HSPG2: variants seen among roughly 807,000 people sequenced by gnomAD.
HSPG2 encodes the protein basement membrane-specific heparan sulfate proteoglycan core protein.
Under a neutral mutation model 526.6 loss-of-function variants are expected in HSPG2, and 278 were observed. The observed-to-expected ratio is 0.53, with a 90% CI of 0.48 to 0.58. HSPG2 has a LOEUF of 0.58. Ranked by LOEUF, HSPG2 falls within the 20% of genes least tolerant of loss-of-function variation. The pLI is 0.00. For missense variants in HSPG2, 5,354 were observed against 6,099.5 expected (o/e 0.88, Z 4.07); for synonymous variants, 2,465 against 2,555.4 (o/e 0.96, Z 1.07).
rs1572189729 is a variant in HSPG2, at chr1:21,841,690, G to C, written c.9194-17C>G. ...GGACGTTGTCTGTGAGGTTGCATGG[G>C]GGAGGGTGAGAGAGGATTGACCTGG... On this transcript the variant is annotated splice_polypyrimidine_tract_variant and intron_variant, in intron 69 of 96. Transcript: ENST00000374695. 2 of 1,613,942 alleles carry C rather than the reference G, an allele frequency of 1.2e-6. No individual in the cohort carries two copies. The highest frequency in any genetic ancestry group is 1.7e-6 in the Non-Finnish European group (2 of 1,179,946).
At chr1:21,831,139 A>T (rs2098002069) in intron 84 of HSPG2, 49 bp from the exon 85 acceptor site, 1 of 1,604,174 alleles carries the variant, frequency 6.2e-7, no homozygotes, top group Non-Finnish European at 8.5e-7. Context: ...AGTACCCCCC[A>T]TAATCCCCAC....
In HSPG2 at chr1:21,839,242, G is replaced by T. The variant is rs1392970241; in HGVS notation, c.9889+129C>A. The T allele has an allele frequency of 7.0e-7, 1 of 1,434,214 alleles. No homozygotes were observed. The highest frequency in any genetic ancestry group is 1.4e-5 in the African/African-American group (1 of 71,382). The allele number at this position is 1,434,214 out of a possible 1,614,324, so 88.8% of individuals were successfully genotyped here. A position where few individuals can be genotyped will look rare whatever the true frequency, so the allele number is the denominator to read the frequency against. Reference sequence around the variant, plus strand: ...AGGCCAGGGTGTGGGTGTCGGGCAGGGCAGGCTCCAGGACCCTGCAGCGCC... The same window carrying T: ...AGGCCAGGGTGTGGGTGTCGGGCAGTGCAGGCTCCAGGACCCTGCAGCGCC... On this transcript the variant is annotated intron_variant, in intron 73 of 96. Coordinates refer to ENST00000374695, the MANE Select transcript of HSPG2 (RefSeq NM_005529.7). The surrounding 1 kb of genome is among the most constrained non-coding windows in gnomAD (Gnocchi z 4.5).
intron 15 of HSPG2, 47 bp downstream of exon 15, chr1:21,880,609 C>T: frequency 6.2e-7 from 1 of 1,602,226 alleles, no homozygotes. Flanking sequence ...CCTACCCAGC[C>T]TAAATCCCCC....
intron 1 of HSPG2, among the ~76,000 whole-genome samples, chr1:21,919,391 A>G (rs912130555): frequency 6.7e-6 from 1 of 148,976 alleles, no homozygotes; most frequent in Non-Finnish European, 1.5e-5. Flanking sequence ...GTGCCACTGC[A>G]CTCCAGCCTG....
At chr1:21,833,666 G>A (rs1163885364) in intron 78 of HSPG2, 52 bp from the exon 79 acceptor site, 1 of 1,610,402 alleles carries the variant, frequency 6.2e-7, no homozygotes, top group South Asian at 1.1e-5. Flanking sequence ...GGCTCCAGGG[G>A]CCCACCTCCC....
chr1:21,853,766 T>C (rs781309903), intron 50 of HSPG2: 1 of 161,392 alleles, frequency 6.2e-6, no homozygotes, highest in Non-Finnish European at 1.3e-5. Flanking sequence ...TAAAATAAAA[T>C]AAAATAAAAT....
chr1:21,929,875 T>A (rs1231464072), intron 1 of HSPG2, among the ~76,000 whole-genome samples: 2 of 152,106 alleles, frequency 1.3e-5, no homozygotes, highest in Non-Finnish European at 2.9e-5. Flanking sequence ...ACCTCCGTGG[T>A]CCTAGCTTGA....
intron 81 of HSPG2, among the ~76,000 whole-genome samples, chr1:21,831,997 C>A (rs1458775508): frequency 6.6e-6 from 1 of 152,138 alleles, no homozygotes; most frequent in Non-Finnish European, 1.5e-5. Flanking sequence ...TCCCCACATC[C>A]TTTTGCTGGG....
Position 21,854,689 on chromosome 1 carries a change from G to C in HSPG2, c.6210C>G (p.Leu2070=), listed in dbSNP as rs1296564918. Residue 2070 remains leucine, a synonymous_variant, in exon 49 of 97, where the codon CTC becomes CTG. Coordinates refer to ENST00000374695, the MANE Select transcript of HSPG2 (RefSeq NM_005529.7). The part of the protein sequence containing the change: ...PSVTEGQTLD[L]NCVVAGSAHA... ...GGGCTGACCCTGCCACCACACAGTT[G>C]AGGTCGAGTGTTTGCCCTTCTGTCA... 1.2e-6 allele frequency: 2 copies of C among 1,611,098 alleles called. No homozygotes were observed. The highest frequency in any genetic ancestry group is 1.3e-5 in the African/African-American group (1 of 74,906).
In HSPG2 at chr1:21,824,481, G is replaced by A; in HGVS notation, c.12744+56C>T. Reference sequence around the variant, plus strand: ...CTCCCCCCACCACTCCGGCCACCAGGAAGCCAGCTTCCTGCCCCAGGAGCC... The same window carrying A: ...CTCCCCCCACCACTCCGGCCACCAGAAAGCCAGCTTCCTGCCCCAGGAGCC... On this transcript the variant is annotated intron_variant, in intron 93 of 96. Coordinates refer to ENST00000374695, the MANE Select transcript of HSPG2 (RefSeq NM_005529.7). This position sits in a 1 kb window ranked among gnomAD's most constrained non-coding sequence, Gnocchi z 5.9. The A allele has an allele frequency of 1.2e-6, 2 of 1,606,756 alleles. No homozygotes were observed. The highest frequency in any genetic ancestry group is 1.7e-6 in the Non-Finnish European group (2 of 1,175,610).
intron 33 of HSPG2, chr1:21,868,821 C>G (rs1333094387): frequency 4.2e-6 from 2 of 477,514 alleles, no homozygotes. Flanking sequence ...AGGGCCTTGA[C>G]AAAGGGCCCT....
At chr1:21,883,109 C>A (rs758590249) in intron 13 of HSPG2, among the ~76,000 whole-genome samples, 1 of 152,078 alleles carries the variant, frequency 6.6e-6, no homozygotes, top group African/African-American at 2.4e-5. Context: ...CCCCTCTAAA[C>A]TGCTGTGTGA....
Position 21,843,366 on chromosome 1 carries a change from C to A in HSPG2, c.8689G>T (p.Gly2897Ter), listed in dbSNP as rs192525833. 2.5e-6 allele frequency: 4 copies of A among 1,614,084 alleles called. No individual in the cohort carries two copies. The change falls in exon 66 of 97, where the codon GGA (glycine) becomes TGA (stop). Residue 2897 changes from glycine to a stop codon, truncating the protein, a stop_gained. Coordinates refer to ENST00000374695, the MANE Select transcript of HSPG2 (RefSeq NM_005529.7). LOFTEE classifies it high-confidence loss of function. The stretch of plus-strand genomic sequence containing the variant: ...GATGCCTCCAGGGTGCCTGAGCTTC[C>A]GGTCACTTGGCACGAGTACTCGCCA... ...DSGEYSCQVT[G>*]SSGTLEASVL...
chr1:21,831,122 A>C, intron 84 of HSPG2, 32 bp from the exon 85 acceptor site: 1 of 1,606,906 alleles, frequency 6.2e-7, no homozygotes, highest in Non-Finnish European at 8.5e-7. Context: ...TAAGGCCGAG[A>C]ACATTCAGTA....
In HSPG2 at chr1:21,873,428, C is replaced by A. The variant is rs769070745; in HGVS notation, c.3744-4G>T. On this transcript the variant is annotated splice_region_variant and splice_polypyrimidine_tract_variant and intron_variant, in intron 29 of 96. Coordinates refer to ENST00000374695, the MANE Select transcript of HSPG2 (RefSeq NM_005529.7). ...GCCATAGTAGCCAGGGGCGCACCTG[C>A]AGAGAGAAAAAGCCTCTGATGAATT... 6.2e-7 allele frequency: 1 copy of A among 1,614,074 alleles called. No individual in the cohort carries two copies. The highest frequency in any genetic ancestry group is 8.5e-7 in the Non-Finnish European group (1 of 1,179,990).
At chr1:21,862,725 C>T (rs1469219885) in intron 37 of HSPG2, among the ~76,000 whole-genome samples, 2 of 151,860 alleles carry the variant, frequency 1.3e-5, no homozygotes, top group Non-Finnish European at 2.9e-5. Context: ...TCCCTAAGTA[C>T]CTGTGATAGC....
Position 21,890,032 on chromosome 1 carries a change from C to T in HSPG2, c.523G>A (p.Ala175Thr). The change falls in exon 6 of 97, where the codon GCC (alanine) becomes ACC (threonine). Residue 175 changes from alanine to threonine, a missense_variant. Coordinates refer to ENST00000374695, the MANE Select transcript of HSPG2 (RefSeq NM_005529.7). This position sits in a 1 kb window ranked among gnomAD's most constrained non-coding sequence, Gnocchi z 4.1. ...CCCTGGGGAGAGGTGACGTAGGAGGCCACAGAGCCGCTGGAGATGACCCTG... is the reference window on the plus strand; with the variant it reads ...CCCTGGGGAGAGGTGACGTAGGAGGTCACAGAGCCGCTGGAGATGACCCTG... ...LLRVISSGSV[A>T]SYVTSPQGFQ... 6 of 1,614,106 alleles carry T rather than the reference C, an allele frequency of 3.7e-6. No individual in the cohort carries two copies. Among genetic ancestry groups the T allele is most frequent in the Non-Finnish European group, 5.1e-6 (6 of 1,180,000 alleles).
At chr1:21,935,338 G>A (rs1408134092) in intron 1 of HSPG2, among the ~76,000 whole-genome samples, 3 of 152,218 alleles carry the variant, frequency 2.0e-5, no homozygotes, top group African/African-American at 7.2e-5. Flanking sequence ...CCACAGGATT[G>A]GAGCTGCCTG....
At chr1:21,905,041 C>T (rs1036567811) in intron 1 of HSPG2, among the ~76,000 whole-genome samples, 21 of 152,162 alleles carry the variant, frequency 1.4e-4, no homozygotes, top group Admixed American at 8.5e-4. Context: ...CTAACAACCA[C>T]GGCCGCTTCC....
Sources: allele counts gnomAD v4.1 joint callset (sites outside exome capture counted in the v4.1 genomes callset), GRCh38; gene constraint gnomAD v4.1.1; non-coding constraint Gnocchi (gnomAD v3.1); transcripts MANE v1.5; gene names NCBI Gene and HGNC (gene_info 2026-07-23, HGNC 2026-07-21).